The following STAB2 variants were observed in gnomAD, a reference collection of about 807,000 sequenced individuals.
STAB2 encodes stabilin 2, also known as stabilin-2.
In STAB2, 288 loss-of-function variants were observed where a neutral mutation model predicts 338.1. That is an observed-to-expected ratio of 0.85 (90% CI 0.77 to 0.94). The LOEUF is 0.94. STAB2 is among the 40% of genes least tolerant of loss of function. The pLI, the probability that STAB2 is intolerant of heterozygous loss-of-function variation, is 0.00. For missense variants in STAB2, 3,141 were observed against 3,210.1 expected (o/e 0.98, Z 0.52); for synonymous variants, 1,202 against 1,193.3 (o/e 1.01, Z -0.15).
intron 44 of STAB2, among the ~76,000 whole-genome samples, chr12:103,718,880 C>T (rs1566044663): frequency 6.6e-6 from 1 of 152,118 alleles, no homozygotes; most frequent in Non-Finnish European, 1.5e-5. Context: ...TATAAGTGTC[C>T]CTGGAATTCC....
rs1419728944 is a variant in STAB2, at chr12:103,674,147, ACTTAATGACG to A, written c.2552+63_2552+72del. ...GAGTCATTAAGTGTAAGGGGATGGC[ACTTAATGACG>A]CTGTGTTACCTGTAGACGGAGCCAA... On this transcript the variant is annotated intron_variant, in intron 23 of 68. Coordinates refer to ENST00000388887, the MANE Select transcript of STAB2 (RefSeq NM_017564.10). 7 of 1,549,032 alleles carry A rather than the reference ACTTAATGACG, an allele frequency of 4.5e-6. No individual in the cohort carries two copies. The East Asian group carries it at 1.6e-4, about 35-fold the overall frequency.
At chr12:103,590,479 A>T (rs1159975473) in intron 1 of STAB2, among the ~76,000 whole-genome samples, 4 of 152,244 alleles carry the variant, frequency 2.6e-5, no homozygotes, top group Admixed American at 2.6e-4. Context: ...TGATGAAAGA[A>T]CATCCTTGAG....
chr12:103,729,130 C>A (rs1035504693), intron 48 of STAB2, 135 bp downstream of exon 48: 1 of 769,190 alleles, frequency 1.3e-6, no homozygotes, highest in Non-Finnish European at 2.1e-6. Flanking sequence ...TCCTCACTTA[C>A]AAGTGGGAGC....
intron 55 of STAB2, among the ~76,000 whole-genome samples, chr12:103,741,862 A>G (rs1243644394): frequency 6.6e-6 from 1 of 152,200 alleles, no homozygotes; most frequent in South Asian, 2.1e-4. Context: ...ACTAGCATGC[A>G]TACTCCATTC....
chr12:103,736,044 G>C (rs1166811938), intron 52 of STAB2, among the ~76,000 whole-genome samples: 4 of 152,310 alleles, frequency 2.6e-5, no homozygotes, highest in African/African-American at 7.2e-5. Flanking sequence ...TCCCTGGCTA[G>C]TTCCTGAACA....
At chr12:103,662,473 A>G (rs1376501211) in intron 17 of STAB2, among the ~76,000 whole-genome samples, 1 of 152,232 alleles carries the variant, frequency 6.6e-6, no homozygotes, top group Admixed American at 6.5e-5. Flanking sequence ...AAGGCAGAGC[A>G]TAAGTGAGGT....
intron 43 of STAB2, among the ~76,000 whole-genome samples, chr12:103,716,805 G>C (rs1284568430): frequency 6.6e-6 from 1 of 152,108 alleles, no homozygotes; most frequent in South Asian, 2.1e-4. Context: ...TAAACTTTTT[G>C]GTGCTTGGGA....
intron 32 of STAB2, 39 bp from the exon 33 acceptor site, chr12:103,695,698 C>G: frequency 1.2e-6 from 2 of 1,614,126 alleles, no homozygotes; most frequent in Non-Finnish European, 1.7e-6. Flanking sequence ...TACCCAGGAA[C>G]AGGAATCCCT....
At chr12:103,650,933 C>A (rs966225501) in intron 11 of STAB2, among the ~76,000 whole-genome samples, 1 of 152,154 alleles carries the variant, frequency 6.6e-6, no homozygotes, top group Non-Finnish European at 1.5e-5. Flanking sequence ...TTGCTTAAAG[C>A]AAAACTGCTC....
rs1878063926 is a variant in STAB2 at position 103,692,817 on chromosome 12, C to A, written c.3303C>A (p.Ile1101=). The change falls in exon 31 of 69, where the codon ATC becomes ATA. Residue 1101 remains isoleucine, a synonymous_variant. Coordinates refer to ENST00000388887, the MANE Select transcript of STAB2 (RefSeq NM_017564.10). ...FLHLAKVDGN[I]TIEGASIVDG... ...ACTGTGGTTTGCATTTACAGAATATCACAATTGAAGGGGCCTCCATTGTCG... is the reference window on the plus strand; with the variant it reads ...ACTGTGGTTTGCATTTACAGAATATAACAATTGAAGGGGCCTCCATTGTCG... The A allele has an allele frequency of 6.2e-7, 1 of 1,613,034 alleles. No homozygotes were observed. The highest frequency in any genetic ancestry group is 2.2e-5 in the East Asian group (1 of 44,866).
chr12:103,616,312 A>G lies in STAB2; in HGVS notation c.332-4156A>G, dbSNP rs1416556883. 2.0e-5 allele frequency among the ~76,000 whole-genome samples: 3 copies of G among 152,198 alleles called. No individual in the cohort carries two copies. In the East Asian group the frequency reaches 5.8e-4, roughly 29 times the overall value. ...TGAGCTGAGTGGAACAGGCACCAAG[A>G]TGATGGAAGTCAAATCTGCCTCAGA... On this transcript the variant is annotated intron_variant, in intron 3 of 68. Coordinates refer to ENST00000388887, the MANE Select transcript of STAB2 (RefSeq NM_017564.10).
chr12:103,700,172 T>C (rs1878741097), intron 34 of STAB2, among the ~76,000 whole-genome samples: 1 of 152,212 alleles, frequency 6.6e-6, no homozygotes, highest in Admixed American at 6.5e-5. Context: ...CAATATTTAA[T>C]ATATTTCAGT....
Position 103,708,512 on chromosome 12 carries a change from T to G in STAB2, c.4264T>G (p.Trp1422Gly). ...TGGCTCCTGTGACTGTGATGTTGGCTGGCGAGGAGTGCATTGTGACAATGG... is the reference window on the plus strand; with the variant it reads ...TGGCTCCTGTGACTGTGATGTTGGCGGGCGAGGAGTGCATTGTGACAATGG... Reference protein sequence around the residue: ...GDGSCDCDVGWRGVHCDNATT... With the variant: ...GDGSCDCDVGGRGVHCDNATT... The change falls in exon 39 of 69, where the codon TGG becomes GGG. Residue 1422 changes from tryptophan to glycine, a missense_variant. Trp to Gly is a radical substitution (Grantham distance 184). Transcript: ENST00000388887. 6.2e-7 allele frequency: 1 copy of G among 1,614,080 alleles called. No individual in the cohort carries two copies. The highest frequency in any genetic ancestry group is 8.5e-7 in the Non-Finnish European group (1 of 1,179,922).
chr12:103,730,259 A>G lies in STAB2; in HGVS notation c.5223+3A>G. On this transcript the variant is annotated splice_donor_region_variant and intron_variant, in intron 49 of 68. Transcript: ENST00000388887. ...AAGACAACTCTGGAAGAATTCTGGT[A>G]GGTAAACTCTCTGTTATGTTTTCAG... The G allele has an allele frequency of 6.2e-7, 1 of 1,613,522 alleles. No homozygotes were observed. Among genetic ancestry groups the G allele is most frequent in the Admixed American group, 1.7e-5 (1 of 59,982 alleles).
In STAB2 at chr12:103,673,928, C is replaced by T. The variant is rs1876078321; in HGVS notation, c.2393C>T (p.Thr798Ile). 1 of 1,612,958 alleles carries T rather than the reference C, an allele frequency of 6.2e-7. No homozygotes were observed. The highest frequency in any genetic ancestry group is 8.5e-7 in the Non-Finnish European group (1 of 1,179,228). ...CNKKCLCVHG[T>I]CNNRIDSDGA... ...TCAGAATGCCTGTGCGTTCACGGAA[C>T]ATGCAATAACAGGATAGACAGCGAT... The change falls in exon 23 of 69, where the codon ACA (threonine) becomes ATA (isoleucine). Residue 798 changes from threonine (T) to isoleucine (I), a missense_variant. Thr to Ile is a moderately conservative substitution (Grantham distance 89). Coordinates refer to ENST00000388887, the MANE Select transcript of STAB2 (RefSeq NM_017564.10).
intron 6 of STAB2, 100 bp downstream of exon 6, chr12:103,631,793 G>C: frequency 8.6e-7 from 1 of 1,163,924 alleles, no homozygotes; most frequent in East Asian, 2.4e-5. Context: ...CAGGGGCAAG[G>C]TACTACCAAA....
Position 103,708,458 on chromosome 12 carries a change from G to A in STAB2, c.4210G>A (p.Gly1404Arg). ...HCDQACSCVH[G>R]RCNQGPLGDG... ...CCACTTAGCATGTTCTTGTGTCCAT[G>A]GGAGATGCAACCAAGGACCCTTGGG... The change falls in exon 39 of 69, where the codon GGG becomes AGG. Residue 1404 changes from glycine to arginine, a missense_variant. Coordinates refer to ENST00000388887, the MANE Select transcript of STAB2 (RefSeq NM_017564.10). 6.2e-7 allele frequency: 1 copy of A among 1,614,128 alleles called. No homozygotes were observed. Among genetic ancestry groups the A allele is most frequent in the South Asian group, 1.1e-5 (1 of 91,072 alleles).
At position 103,629,212 on chromosome 12, in the gene STAB2, G is replaced by A. The variant is rs142080716; in HGVS notation, c.488-2386G>A. Among the ~76,000 whole-genome samples the A allele has an allele frequency of 4.1e-3, 631 of 152,270 alleles. 3 individuals carry two copies. Among genetic ancestry groups the A allele is most frequent in the African/African-American group, 0.014 (575 of 41,542 alleles). On this transcript the variant is annotated intron_variant, in intron 5 of 68. Coordinates refer to ENST00000388887, the MANE Select transcript of STAB2 (RefSeq NM_017564.10). ...TGGTGTTCTGCTGCTGAGCATAAAC[G>A]ATGTCACAGAATATCACCATCAGAA...
chr12:103,636,885 A>C (rs1211405611), intron 6 of STAB2, among the ~76,000 whole-genome samples: 1 of 152,258 alleles, frequency 6.6e-6, no homozygotes, highest in Non-Finnish European at 1.5e-5. Flanking sequence ...ATTTTGTTAC[A>C]AAATCAGACA....
Sources: gnomAD v4.1 joint callset for allele counts (sites outside exome capture counted in the v4.1 genomes callset) on GRCh38, gnomAD v4.1.1 for gene constraint, MANE v1.5 for transcripts, NCBI Gene and HGNC (gene_info 2026-07-23, HGNC 2026-07-21) for gene names.